Variants in HSPA13 observed in about 807,000 individuals in gnomAD.
The protein encoded by HSPA13 is heat shock 70 kDa protein 13.
A neutral mutation model predicts 38.8 loss-of-function variants in HSPA13; 29 were observed. The ratio of observed to expected loss-of-function variants is 0.75; its 90% confidence interval spans 0.56 to 1.02. The LOEUF is 1.02. Ranked by LOEUF, HSPA13 falls within the 50% of genes least tolerant of loss-of-function variation. HSPA13 has a pLI of 0.00. For missense variants in HSPA13, 451 were observed against 560.9 expected (o/e 0.80, Z 1.98); for synonymous variants, 192 against 205.3 (o/e 0.94, Z 0.56).
chr21:14,374,444 G>T (rs1046928200), intron 4 of HSPA13, among the ~76,000 whole-genome samples, 160 bp from the exon 5 acceptor site: 10 of 152,182 alleles, frequency 6.6e-5, no homozygotes. Flanking sequence ...AAAAATAACT[G>T]TGTTGCTGGG....
chr21:14,374,123 A>T lies in HSPA13; in HGVS notation c.910T>A (p.Ser304Thr). Reference protein sequence around the residue: ...MVKLNLTLHQSAQLSVLLTVE... With the variant: ...MVKLNLTLHQTAQLSVLLTVE... ...GTTAGTAATACTGACAACTGAGCAGATTGATGAAGAGTCAGATTTAATTTG... is the reference window on the plus strand; with the variant it reads ...GTTAGTAATACTGACAACTGAGCAGTTTGATGAAGAGTCAGATTTAATTTG... Residue 304 changes from serine (S) to threonine (T), a missense_variant, in exon 5 of 5, where the codon TCT becomes ACT. Coordinates refer to ENST00000285667, the MANE Select transcript of HSPA13 (RefSeq NM_006948.5). The T allele has an allele frequency of 1.2e-6, 2 of 1,613,984 alleles. No individual in the cohort carries two copies. The highest frequency in any genetic ancestry group is 8.5e-7 in the Non-Finnish European group (1 of 1,180,034).
chr21:14,381,178 T>C (rs772604430), intron 2 of HSPA13, 25 bp downstream of exon 2: 12 of 1,508,950 alleles, frequency 8.0e-6, no homozygotes, highest in Non-Finnish European at 1.1e-5. Flanking sequence ...CTAAAATTAA[T>C]ATAGATTTTA....
At position 14,380,619 on chromosome 21, in the gene HSPA13, T is replaced by A. The variant is rs78639927; in HGVS notation, c.366+584A>T. On this transcript the variant is annotated intron_variant, in intron 2 of 4. Transcript: ENST00000285667. ...ATCAAAAGCCTTAAAAACGTACACA[T>A]TTGACCTATCAATTAGACTTCTAGC... Among the ~76,000 whole-genome samples the A allele has an allele frequency of 1.2e-3, 177 of 152,262 alleles. 5 individuals are homozygous for A. In the East Asian group the frequency reaches 0.031, roughly 27 times the overall value.
At chr21:14,378,026 T>G (rs1361906188) in intron 3 of HSPA13, among the ~76,000 whole-genome samples, 173 bp downstream of exon 3, 1 of 152,248 alleles carries the variant, frequency 6.6e-6, no homozygotes, top group Non-Finnish European at 1.5e-5. Flanking sequence ...CCCTTTCATA[T>G]ACACATATAT....
intron 2 of HSPA13, 41 bp from the exon 3 acceptor site, chr21:14,378,453 TAA>T: frequency 7.6e-7 from 1 of 1,322,888 alleles, no homozygotes; most frequent in Non-Finnish European, 1.1e-6. Flanking sequence ...AATAAAAGAG[TAA>T]AAGCATACAG....
Position 14,371,646 on chromosome 21 carries a change from C to T in HSPA13, c.*1971G>A, listed in dbSNP as rs1982829838. On this transcript the variant is annotated 3_prime_UTR_variant, in exon 5 of 5. Coordinates refer to ENST00000285667, the MANE Select transcript of HSPA13 (RefSeq NM_006948.5). The stretch of plus-strand genomic sequence containing the variant: ...TTTGCAAATAGGAATTATTTAAATT[C>T]CAACTTCAGGACATGAGATGAGCTG... The T allele has an allele frequency of 6.6e-6, 1 of 152,120 alleles. No individual in the cohort carries two copies. The highest frequency in any genetic ancestry group is 1.5e-5 in the Non-Finnish European group (1 of 67,954). 9.4% of individuals were successfully genotyped at this position (152,120 alleles called of 1,614,324 possible).
intron 3 of HSPA13, among the ~76,000 whole-genome samples, chr21:14,377,871 C>T (rs899564866): frequency 2.0e-5 from 3 of 152,348 alleles, no homozygotes; most frequent in East Asian, 1.9e-4. Context: ...CTCGGGCCTT[C>T]GGCCATAGAC....
rs1982837069 is a variant in HSPA13, at chr21:14,371,979, T to C, written c.*1638A>G. The C allele has an allele frequency of 6.6e-6, 1 of 152,556 alleles. No homozygotes were observed. Among genetic ancestry groups the C allele is most frequent in the South Asian group, 2.1e-4 (1 of 4,836 alleles). 9.5% of individuals were successfully genotyped at this position (152,556 alleles called of 1,614,324 possible). On this transcript the variant is annotated 3_prime_UTR_variant, in exon 5 of 5. Coordinates refer to ENST00000285667, the MANE Select transcript of HSPA13 (RefSeq NM_006948.5). ...AGATACTTCAACAAACATTTTATAC[T>C]TTTCTATCTACCTACTATACATATT...
In HSPA13 at chr21:14,378,265, T is replaced by C. The variant is rs1984077270; in HGVS notation, c.514A>G (p.Ile172Val). The C allele has an allele frequency of 6.2e-7, 1 of 1,614,084 alleles. No individual in the cohort carries two copies. Among genetic ancestry groups the C allele is most frequent in the Non-Finnish European group, 8.5e-7 (1 of 1,180,032 alleles). Residue 172 changes from isoleucine to valine, a missense_variant, in exon 3 of 5, where the codon ATT (isoleucine) becomes GTT (valine). Physicochemically the swap from Ile to Val is conservative, Grantham distance 29. Coordinates refer to ENST00000285667, the MANE Select transcript of HSPA13 (RefSeq NM_006948.5). ...YLGMPVANAV[I>V]SVPAEFDLKQ... ...AGATCAAATTCTGCTGGTACAGAAA[T>C]GACAGCATTGGCAACTGGCATTCCA...
chr21:14,375,177 G>T (rs1448946045), intron 4 of HSPA13, among the ~76,000 whole-genome samples: 3 of 152,022 alleles, frequency 2.0e-5, no homozygotes, highest in African/African-American at 7.2e-5. Context: ...GAAATATACT[G>T]ATCACCCTTC....
chr21:14,374,894 T>A (rs1983981048), intron 4 of HSPA13, among the ~76,000 whole-genome samples: 1 of 152,290 alleles, frequency 6.6e-6, no homozygotes, highest in East Asian at 1.9e-4. Flanking sequence ...TCTACTTTTC[T>A]ACCTGAAAAC....
rs1368657510 is a variant in HSPA13 at position 14,372,704 on chromosome 21, C to A, written c.*913G>T. 1.3e-5 allele frequency: 2 copies of A among 152,102 alleles called. No individual in the cohort carries two copies. Among genetic ancestry groups the A allele is most frequent in the African/African-American group, 4.8e-5 (2 of 41,434 alleles). 9.4% of individuals were successfully genotyped at this position (152,102 alleles called of 1,614,324 possible). ...TAGTAGCTCAATTCCATGCTATATT[C>A]CCCAGGGCTTACTGAAAATATAAAC... On this transcript the variant is annotated 3_prime_UTR_variant, in exon 5 of 5. Coordinates refer to ENST00000285667, the MANE Select transcript of HSPA13 (RefSeq NM_006948.5).
chr21:14,373,507 T>C lies in HSPA13; in HGVS notation c.*110A>G, dbSNP rs1982877072. ...ATTTTCCTGTATCTAAATGTTGCCC[T>C]CTAGGTAAATCTGTGATATTTTAGA... is the stretch of plus-strand genomic sequence containing the variant. On this transcript the variant is annotated 3_prime_UTR_variant, in exon 5 of 5. Coordinates refer to ENST00000285667, the MANE Select transcript of HSPA13 (RefSeq NM_006948.5). 1.1e-6 allele frequency: 1 copy of C among 938,186 alleles called. No individual in the cohort carries two copies. Among genetic ancestry groups the C allele is most frequent in the Non-Finnish European group, 1.6e-6 (1 of 641,796 alleles). 58.1% of individuals were successfully genotyped at this position (938,186 alleles called of 1,614,324 possible). A position where few individuals can be genotyped will look rare whatever the true frequency, so the allele number is the denominator to read the frequency against.
In HSPA13 at chr21:14,374,244, C is replaced by A. The variant is rs1166993093; in HGVS notation, c.789G>T (p.Leu263Phe). 1 of 1,611,106 alleles carries A rather than the reference C, an allele frequency of 6.2e-7. No homozygotes were observed. Among genetic ancestry groups the A allele is most frequent in the South Asian group, 1.1e-5 (1 of 91,078 alleles). ...KLGGQDFNQR[L>F]LQYLYKQIYQ... The stretch of plus-strand genomic sequence containing the variant: ...AGATCTGTTTATATAAGTACTGAAG[C>A]AATCTCTGATTGAAGTCCTGTCCTC... The change falls in exon 5 of 5, where the codon TTG becomes TTT. Residue 263 changes from leucine to phenylalanine, a missense_variant. Leu to Phe is a conservative substitution (Grantham distance 22). Transcript: ENST00000285667.
intron 2 of HSPA13, among the ~76,000 whole-genome samples, chr21:14,380,733 G>A (rs1001664002): frequency 6.6e-6 from 1 of 152,058 alleles, no homozygotes; most frequent in Non-Finnish European, 1.5e-5. Flanking sequence ...CCACAAAAAA[G>A]TACACTGATA....
In HSPA13 at chr21:14,374,063, T is replaced by C. The variant is rs1982892875; in HGVS notation, c.970A>G (p.Ser324Gly). The change falls in exon 5 of 5, where the codon AGT becomes GGT. Residue 324 changes from serine to glycine, a missense_variant. Physicochemically the swap from Ser to Gly is moderately conservative, Grantham distance 56 (BLOSUM62 0). Transcript: ENST00000285667. ...EEQDRKEPHS[S>G]DTELPKDKLS... ...TTGTCTTTTGGCAGTTCAGTGTCAC[T>C]ACTGTGAGGTTCCTTCCTGTCCTGC... 1 of 1,614,216 alleles carries C rather than the reference T, an allele frequency of 6.2e-7. No individual in the cohort carries two copies. The highest frequency in any genetic ancestry group is 2.2e-5 in the East Asian group (1 of 44,882).
chr21:14,382,597 A>C (rs1984198078), intron 1 of HSPA13, among the ~76,000 whole-genome samples: 1 of 152,010 alleles, frequency 6.6e-6, no homozygotes, highest in South Asian at 2.1e-4. Flanking sequence ...TTTCAGAAGC[A>C]TTTCATCACC....
chr21:14,375,491 ATTTTTT>A (rs34202425), intron 4 of HSPA13, among the ~76,000 whole-genome samples, 155 bp downstream of exon 4: 30 of 128,574 alleles, frequency 2.3e-4, no homozygotes, highest in African/African-American at 7.8e-4. Flanking sequence ...TTTTTCTGTA[ATTTTTT>A]TTTTTTTTTT....
In HSPA13 at chr21:14,373,413, T is replaced by C. The variant is rs959738261; in HGVS notation, c.*204A>G. 1.3e-5 allele frequency: 7 copies of C among 544,082 alleles called. No individual in the cohort carries two copies. The highest frequency in any genetic ancestry group is 2.0e-5 in the Non-Finnish European group (6 of 307,200). 33.7% of individuals were successfully genotyped at this position (544,082 alleles called of 1,614,324 possible). On this transcript the variant is annotated 3_prime_UTR_variant, in exon 5 of 5. Transcript: ENST00000285667. Reference sequence around the variant, plus strand: ...TATCATTTTAGAGTATTTGTTAGAATAGGATCTCTCCAAAATCAAACAGGA... The same window carrying C: ...TATCATTTTAGAGTATTTGTTAGAACAGGATCTCTCCAAAATCAAACAGGA...
Sources: gnomAD v4.1 joint callset for allele counts (sites outside exome capture counted in the v4.1 genomes callset) on GRCh38, gnomAD v4.1.1 for gene constraint, MANE v1.5 for transcripts, NCBI Gene and HGNC (gene_info 2026-07-23, HGNC 2026-07-21) for gene names.